Variants in ZPBP observed in about 807,000 individuals in gnomAD.
The protein encoded by ZPBP is zona pellucida-binding protein 1.
In ZPBP, 26 loss-of-function variants were observed where a neutral mutation model predicts 44.8. That is an observed-to-expected ratio of 0.58 (90% CI 0.43 to 0.81). ZPBP has a LOEUF of 0.81. Ranked by LOEUF, ZPBP falls within the 30% of genes least tolerant of loss-of-function variation. The pLI, the probability that ZPBP is intolerant of heterozygous loss-of-function variation, is 0.00. For synonymous variants in ZPBP, 174 were observed against 153.2 expected, an observed-to-expected ratio of 1.14 and a Z score of -1.00; for missense variants, 409 against 434.0, an observed-to-expected ratio of 0.94 and a Z score of 0.51.
At chr7:49,921,243 A>T (rs1201984518) in intron 1 of ZPBP, 1 of 152,236 alleles carries the variant, frequency 6.6e-6, no homozygotes, top group African/African-American at 2.4e-5. Context: ...TGCTGGCTGG[A>T]GGATGGGTCT....
intron 7 of ZPBP, among the ~76,000 whole-genome samples, chr7:49,946,176 A>G (rs1260796323): frequency 6.6e-6 from 1 of 152,056 alleles, no homozygotes; most frequent in Non-Finnish European, 1.5e-5. Flanking sequence ...CAGTGTTGTG[A>G]AAAGTTGTTG....
chr7:49,933,868 C>A (rs1292306531), downstream of ZPBP, among the ~76,000 whole-genome samples: 1 of 133,848 alleles, frequency 7.5e-6, no homozygotes, highest in African/African-American at 2.9e-5. Context: ...CACATGGACA[C>A]AGGAAGGGGA....
chr7:49,851,515 A>T (rs1482767726), intron 2 of ZPBP, among the ~76,000 whole-genome samples: 6 of 152,164 alleles, frequency 3.9e-5, no homozygotes, highest in Admixed American at 3.9e-4. Context: ...GTGCCACATC[A>T]CAGTGTGTGA....
At chr7:49,852,863 T>C (rs538253924) in intron 2 of ZPBP, among the ~76,000 whole-genome samples, 1 of 152,344 alleles carries the variant, frequency 6.6e-6, no homozygotes, top group South Asian at 2.1e-4. Flanking sequence ...TGAACTACAG[T>C]TGCAGATGGA....
At chr7:50,031,633 G>A (rs534467676) in intron 4 of ZPBP, among the ~76,000 whole-genome samples, 3 of 152,116 alleles carry the variant, frequency 2.0e-5, no homozygotes, top group East Asian at 1.9e-4. Flanking sequence ...CTAACTTACC[G>A]AGCCTGGTCC....
chr7:49,917,311 T>C (rs1333180040), intron 1 of ZPBP: 2 of 152,170 alleles, frequency 1.3e-5, no homozygotes, highest in East Asian at 1.9e-4. Flanking sequence ...ACACAAAGAT[T>C]TGGCTAATTT....
chr7:50,022,100 G>T (rs906104979), intron 5 of ZPBP, among the ~76,000 whole-genome samples: 2 of 152,002 alleles, frequency 1.3e-5, no homozygotes, highest in African/African-American at 4.8e-5. Context: ...AAAACAAGCT[G>T]TCAAAAATGA....
In ZPBP at chr7:50,041,982, G is replaced by C. The variant is rs114151528; in HGVS notation, c.488-10672C>G. Reference sequence around the variant, plus strand: ...AACCAGTTTAGAAAAAAACATAAATGACCTGATGGAGCTAAAAACCACAGC... The same window carrying C: ...AACCAGTTTAGAAAAAAACATAAATCACCTGATGGAGCTAAAAACCACAGC... On this transcript the variant is annotated intron_variant, in intron 4 of 7. Coordinates refer to ENST00000046087, the MANE Select transcript of ZPBP (RefSeq NM_007009.3). Among the ~76,000 whole-genome samples the C allele has an allele frequency of 7.7e-3, 1,168 of 152,168 alleles. 25 individuals carry two copies. Among genetic ancestry groups the C allele is most frequent in the African/African-American group, 0.027 (1,107 of 41,510 alleles).
At chr7:49,841,979 G>A in the ZPBP span, among the ~76,000 whole-genome samples, 1 of 152,010 alleles carries the variant, frequency 6.6e-6, no homozygotes, top group Non-Finnish European at 1.5e-5. Flanking sequence ...CGATTCTCCT[G>A]TCTCAGCCTC....
chr7:49,940,727 C>T (rs1307496911), intron 7 of ZPBP: 1 of 984,618 alleles, frequency 1.0e-6, no homozygotes, highest in Non-Finnish European at 1.2e-6. Context: ...ACTGTCCCAC[C>T]TCCTTCCCCA....
At chr7:49,941,147 T>C (rs1021697155) in intron 7 of ZPBP, among the ~76,000 whole-genome samples, 11 of 152,102 alleles carry the variant, frequency 7.2e-5, no homozygotes, top group African/African-American at 2.4e-4. Context: ...AAACAGAAAA[T>C]ATTTATTGGT....
chr7:49,973,716 A>T (rs1796390311), intron 7 of ZPBP, among the ~76,000 whole-genome samples: 1 of 152,156 alleles, frequency 6.6e-6, no homozygotes, highest in South Asian at 2.1e-4. Flanking sequence ...GAGAAACTGG[A>T]AGGCTTGTAT....
At chr7:49,938,446 A>G (rs1794706209) in intron 7 of ZPBP, among the ~76,000 whole-genome samples, 1 of 152,198 alleles carries the variant, frequency 6.6e-6, no homozygotes, top group South Asian at 2.1e-4. Flanking sequence ...GTCACAGATT[A>G]TCTTTGGTAA....
intron 1 of ZPBP, among the ~76,000 whole-genome samples, chr7:49,911,616 G>GC (rs1793437416): frequency 6.6e-6 from 1 of 151,824 alleles, no homozygotes; most frequent in Admixed American, 6.6e-5. Flanking sequence ...TGTACCATTG[G>GC]CCGGGTGCAG....
At chr7:50,047,662 C>G (rs75082037) in intron 4 of ZPBP, among the ~76,000 whole-genome samples, 1 of 129,764 alleles carries the variant, frequency 7.7e-6, no homozygotes, top group African/African-American at 2.8e-5. Context: ...ACCCAAATGG[C>G]AAAAAAAAAA....
intron 7 of ZPBP, among the ~76,000 whole-genome samples, chr7:49,981,402 TAAAA>T (rs1796907671): frequency 2.3e-5 from 1 of 43,478 alleles, no homozygotes; most frequent in Non-Finnish European, 4.1e-5. Flanking sequence ...ATATTATATA[TAAAA>T]TATATATAAT....
chr7:49,935,886 T>C (rs1794605931), downstream of ZPBP: 1 of 152,246 alleles, frequency 6.6e-6, no homozygotes, highest in African/African-American at 2.4e-5. Flanking sequence ...GATTGCATTC[T>C]GATCCCCAGT....
intron 2 of ZPBP, among the ~76,000 whole-genome samples, chr7:49,872,711 G>C (rs1476796232): frequency 1.4e-5 from 2 of 147,820 alleles, no homozygotes; most frequent in African/African-American, 5.0e-5. Context: ...TTCCAGACCA[G>C]CCTGGCCAAC....
intron 7 of ZPBP, among the ~76,000 whole-genome samples, chr7:49,951,378 G>C (rs1221342591): frequency 6.6e-6 from 1 of 151,394 alleles, no homozygotes; most frequent in African/African-American, 2.4e-5. Flanking sequence ...AAAATCCCAA[G>C]TAGAAACACT....
Sources: allele counts gnomAD v4.1 joint callset (sites outside exome capture counted in the v4.1 genomes callset), GRCh38; gene constraint gnomAD v4.1.1; transcripts MANE v1.5; gene names NCBI Gene and HGNC (gene_info 2026-07-23, HGNC 2026-07-21).